CYP11B1: variants seen among roughly 807,000 people sequenced by gnomAD.
The protein encoded by CYP11B1 is cytochrome P450 11B1, mitochondrial.
In CYP11B1, 34 loss-of-function variants were observed where a neutral mutation model predicts 48.3. That is an observed-to-expected ratio of 0.70 (90% CI 0.54 to 0.94). The LOEUF (loss-of-function observed/expected upper bound fraction) is 0.94, where lower values mean the gene tolerates loss of function less well. Ranked by LOEUF, CYP11B1 falls within the 40% of genes least tolerant of loss-of-function variation. The pLI is 0.00. For missense variants in CYP11B1, 688 were observed against 657.4 expected (o/e 1.05, Z -0.51); for synonymous variants, 291 against 262.5 (o/e 1.11, Z -1.05).
chr8:142,878,403 ACT>A (rs1268543799), intron 2 of CYP11B1, among the ~76,000 whole-genome samples: 1 of 151,876 alleles, frequency 6.6e-6, no homozygotes, highest in Non-Finnish European at 1.5e-5. Flanking sequence ...CAGGTGACTG[ACT>A]CCAAGCATCA....
rs1554652999 is a variant in CYP11B1 at position 142,876,702 on chromosome 8, C to T, written c.779G>A (p.Trp260Ter). 1 of 1,612,688 alleles carries T rather than the reference C, an allele frequency of 6.2e-7. No homozygotes were observed. Among genetic ancestry groups the T allele is most frequent in the Non-Finnish European group, 8.5e-7 (1 of 1,179,480 alleles). The change falls in exon 4 of 9, where the codon TGG becomes TAG. Residue 260 changes from tryptophan (W) to a stop codon, truncating the protein, a stop_gained. Coordinates refer to ENST00000292427, the MANE Select transcript of CYP11B1 (RefSeq NM_000497.4). LOFTEE classifies it high-confidence loss of function. The stretch of plus-strand genomic sequence containing the variant: ...CTCACCGTACTGGAAGATGCAGTCC[C>T]AGGCCTCAAAGTGCTCCTTCCACAC... Reference protein sequence around the residue: ...PKVWKEHFEAWDCIFQYGDNC... With the variant: ...PKVWKEHFEA
intron 2 of CYP11B1, chr8:142,877,912 A>G: frequency 8.4e-7 from 1 of 1,190,398 alleles, no homozygotes; most frequent in South Asian, 1.3e-5. Context: ...GAAGATGCAC[A>G]TGCTCACATG....
Position 142,873,525 on chromosome 8 carries a change from G to C in CYP11B1, c.*848C>G, listed in dbSNP as rs149520110. On this transcript the variant is annotated 3_prime_UTR_variant, in exon 9 of 9. Transcript: ENST00000292427. Reference sequence around the variant, plus strand: ...CCAGAGAAATGAGTCAATAAAACTCGTCTGAGTCCTTGTTGGCCCAATCCT... The same window carrying C: ...CCAGAGAAATGAGTCAATAAAACTCCTCTGAGTCCTTGTTGGCCCAATCCT... The C allele has an allele frequency of 6.6e-6, 1 of 152,198 alleles. No homozygotes were observed. Among genetic ancestry groups the C allele is most frequent in the African/African-American group, 2.4e-5 (1 of 41,436 alleles). 9.4% of individuals were successfully genotyped at this position (152,198 alleles called of 1,614,324 possible). A position where few individuals can be genotyped will look rare whatever the true frequency, so the allele number is the denominator to read the frequency against.
At position 142,874,479 on chromosome 8, in the gene CYP11B1, T is replaced by C; in HGVS notation, c.1406A>G (p.Lys469Arg). 6.2e-7 allele frequency: 1 copy of C among 1,612,028 alleles called. No individual in the cohort carries two copies. Among genetic ancestry groups the C allele is most frequent in the East Asian group, 2.2e-5 (1 of 44,866 alleles). The change falls in exon 9 of 9, where the codon AAA (lysine) becomes AGA (arginine). Residue 469 changes from lysine (K) to arginine (R), a missense_variant. Physicochemically the swap from Lys to Arg is conservative, Grantham distance 26. Coordinates refer to ENST00000292427, the MANE Select transcript of CYP11B1 (RefSeq NM_000497.4). The stretch of plus-strand genomic sequence containing the variant: ...GGTTAGTGTCTCCACCTGGAGGTGT[T>C]TCAGCACCTAGGACAGAAGCCGGGT... ...EMLLLLHHVL[K>R]HLQVETLTQE...
rs1159841788 is a variant in CYP11B1 at position 142,879,121 on chromosome 8, C to G, written c.306G>C (p.Gln102His). Residue 102 changes from glutamine (Q) to histidine (H), a missense_variant, in exon 2 of 9, where the codon CAG (glutamine) becomes CAC (histidine). Transcript: ENST00000292427. ...MLPEDVEKLQQVDSLHPHRMS... is the reference protein window; with the variant it reads ...MLPEDVEKLQHVDSLHPHRMS... ...TCCTGTGGGGATGCAGGCTGTCCAC[C>G]TGTTGCAGCTTCTCCACGTCCTCCG... 1.9e-6 allele frequency: 3 copies of G among 1,614,166 alleles called. No homozygotes were observed. Among genetic ancestry groups the G allele is most frequent in the Non-Finnish European group, 2.5e-6 (3 of 1,180,032 alleles).
In CYP11B1 at chr8:142,876,581, C is replaced by T. The variant is rs1379450973; in HGVS notation, c.799+101G>A. ...GGCAGGAAGGTGAGGAATCCCCGACCCCTCCCTGTGGCCTCCATTCCCCAC... is the reference window on the plus strand; with the variant it reads ...GGCAGGAAGGTGAGGAATCCCCGACTCCTCCCTGTGGCCTCCATTCCCCAC... On this transcript the variant is annotated intron_variant, in intron 4 of 8. Coordinates refer to ENST00000292427, the MANE Select transcript of CYP11B1 (RefSeq NM_000497.4). 101 of 1,552,694 alleles carry T rather than the reference C, an allele frequency of 6.5e-5. No homozygotes were observed. In the East Asian group the frequency reaches 2.3e-3, roughly 35 times the overall value.
At position 142,879,149 on chromosome 8, in the gene CYP11B1, A is replaced by T; in HGVS notation, c.278T>A (p.Leu93Gln). The T allele has an allele frequency of 6.2e-7, 1 of 1,613,874 alleles. No homozygotes were observed. Among genetic ancestry groups the T allele is most frequent in the Middle Eastern group, 1.6e-4 (1 of 6,062 alleles). ...TTGCAGCTTCTCCACGTCCTCCGGC[A>T]GCATCACACACACCATGCCTGCTCC... Reference protein sequence around the residue: ...LGGAGMVCVMLPEDVEKLQQV... With the variant: ...LGGAGMVCVMQPEDVEKLQQV... The change falls in exon 2 of 9, where the codon CTG (leucine) becomes CAG (glutamine). Residue 93 changes from leucine (L) to glutamine (Q), a missense_variant. Leu to Gln is a moderately radical substitution (Grantham distance 113). Transcript: ENST00000292427.
At chr8:142,877,831 A>G (rs1332923456) in intron 2 of CYP11B1, 2 of 1,594,858 alleles carry the variant, frequency 1.3e-6, no homozygotes, top group Admixed American at 1.7e-5. Flanking sequence ...TGTCAGCCAC[A>G]TTTCTGCAAA....
At chr8:142,875,991 C>T (rs780969716) in intron 5 of CYP11B1, 113 bp from the exon 6 acceptor site, 20 of 1,339,198 alleles carry the variant, frequency 1.5e-5, no homozygotes, top group African/African-American at 1.3e-4. Flanking sequence ...ACCCTGAGAA[C>T]GACAGAGCCC....
chr8:142,875,366 G>A lies in CYP11B1; in HGVS notation c.1122-54C>T, dbSNP rs773264072. ...TCCTCAGCTGGATGGGGCTTCCTGT[G>A]CTCTCTGCACCCTTCCTACCGAAGA... On this transcript the variant is annotated intron_variant, in intron 6 of 8. Coordinates refer to ENST00000292427, the MANE Select transcript of CYP11B1 (RefSeq NM_000497.4). 8.9e-5 allele frequency: 137 copies of A among 1,542,202 alleles called. 5 individuals are homozygous for A. In the South Asian group the frequency reaches 1.6e-3, roughly 18 times the overall value.
At position 142,879,583 on chromosome 8, in the gene CYP11B1, G is replaced by T; in HGVS notation, c.231C>A (p.Pro77=). The change falls in exon 1 of 9, where the codon CCC becomes CCA. Residue 77 remains proline, a synonymous_variant. Coordinates refer to ENST00000292427, the MANE Select transcript of CYP11B1 (RefSeq NM_000497.4). The stretch of plus-strand genomic sequence containing the variant: ...GCCAGGGAGGGCTTTACCTGAAAAT[G>T]GGCCCTAGTTCCTGGAAGGTCTGGT... ...EVHQTFQELG[P]IFRYDLGGAG... is the part of the protein sequence containing the mutation. The T allele has an allele frequency of 6.2e-7, 1 of 1,614,224 alleles. No homozygotes were observed. The highest frequency in any genetic ancestry group is 8.5e-7 in the Non-Finnish European group (1 of 1,180,028).
rs1554653514 is a variant in CYP11B1, at chr8:142,879,031, C to G, written c.395+1G>C. On this transcript the variant is annotated splice_donor_variant, in intron 2 of 8. Transcript: ENST00000292427. LOFTEE classifies it high-confidence loss of function. Reference sequence around the variant, plus strand: ...CTCCCAGCTCTCAGCTCGCCGCTTACAGCAAGAACACGCCACATTTGTGCC... The same window carrying G: ...CTCCCAGCTCTCAGCTCGCCGCTTAGAGCAAGAACACGCCACATTTGTGCC... 2 of 1,614,176 alleles carry G rather than the reference C, an allele frequency of 1.2e-6. No homozygotes were observed. Among genetic ancestry groups the G allele is most frequent in the Non-Finnish European group, 1.7e-6 (2 of 1,180,040 alleles).
Position 142,874,208 on chromosome 8 carries a change from C to A in CYP11B1, c.*165G>T. ...GCCCTGGCATTGCTGCTTAGCCTGG[C>A]AAACCCTGGTCCTAGAGGCCCTCGG... On this transcript the variant is annotated 3_prime_UTR_variant, in exon 9 of 9. Coordinates refer to ENST00000292427, the MANE Select transcript of CYP11B1 (RefSeq NM_000497.4). 1.5e-6 allele frequency: 1 copy of A among 666,412 alleles called. No individual in the cohort carries two copies. Among genetic ancestry groups the A allele is most frequent in the Admixed American group, 2.1e-5 (1 of 46,550 alleles). 41.3% of individuals were successfully genotyped at this position (666,412 alleles called of 1,614,324 possible). A position where few individuals can be genotyped will look rare whatever the true frequency, so the allele number is the denominator to read the frequency against.
chr8:142,875,175 G>A (rs1443990924), intron 7 of CYP11B1, 21 bp from the exon 8 acceptor site: 6 of 1,614,260 alleles, frequency 3.7e-6, no homozygotes, highest in Non-Finnish European at 3.4e-6. Context: ...TGCAGAGCGG[G>A]GATCAGGGAA....
At chr8:142,878,544 C>T (rs868851260) in intron 2 of CYP11B1, among the ~76,000 whole-genome samples, 1 of 152,234 alleles carries the variant, frequency 6.6e-6, no homozygotes, top group Non-Finnish European at 1.5e-5. Flanking sequence ...CACCTGCATC[C>T]CCACCTGCCT....
chr8:142,876,544 A>C, intron 4 of CYP11B1, 138 bp downstream of exon 4: 4 of 1,548,088 alleles, frequency 2.6e-6, no homozygotes, highest in Non-Finnish European at 3.5e-6. Flanking sequence ...CCAGCCTCGC[A>C]CCAATCTCCC....
At chr8:142,879,498 G>A in intron 1 of CYP11B1, 77 bp downstream of exon 1, 1 of 1,614,098 alleles carries the variant, frequency 6.2e-7, no homozygotes, top group Non-Finnish European at 8.5e-7. Flanking sequence ...GAATGGCAGT[G>A]CTGAGTGCCC....
rs1417266587 is a variant in CYP11B1, at chr8:142,875,888, A to G, written c.955-10T>C. ...GCAAGGGAAACACCGTCTGCAGGAG[A>G]CACAGCTGCAGGGTCAGACCTTGCA... On this transcript the variant is annotated splice_polypyrimidine_tract_variant and intron_variant, in intron 5 of 8. Transcript: ENST00000292427. 1 of 1,613,862 alleles carries G rather than the reference A, an allele frequency of 6.2e-7. No homozygotes were observed. Among genetic ancestry groups the G allele is most frequent in the African/African-American group, 1.3e-5 (1 of 74,912 alleles).
At chr8:142,876,484 C>T in intron 4 of CYP11B1, 89 bp from the exon 5 acceptor site, 1 of 1,541,594 alleles carries the variant, frequency 6.5e-7, no homozygotes, top group South Asian at 1.2e-5. Context: ...CCCCGACACC[C>T]AAGTCTCCCT....
Sources: gnomAD v4.1 joint callset for allele counts (sites outside exome capture counted in the v4.1 genomes callset) on GRCh38, gnomAD v4.1.1 for gene constraint, MANE v1.5 for transcripts, NCBI Gene and HGNC (gene_info 2026-07-23, HGNC 2026-07-21) for gene names.